The following DNAJC8 variants were observed in gnomAD, a reference collection of about 807,000 sequenced individuals.
The protein encoded by DNAJC8 is dnaJ homolog subfamily C member 8.
A neutral mutation model predicts 43.2 loss-of-function variants in DNAJC8; 24 were observed. The observed-to-expected ratio is 0.56, with a 90% confidence interval of 0.40 to 0.78. The LOEUF (loss-of-function observed/expected upper bound fraction) is 0.78. Ranked by LOEUF, DNAJC8 falls within the 30% of genes least tolerant of loss-of-function variation. The pLI is 0.00. For synonymous variants in DNAJC8, 83 were observed against 98.0 expected (o/e 0.85, Z 0.90); for missense variants, 207 against 299.4 (o/e 0.69, Z 2.28).
intron 6 of DNAJC8, among the ~76,000 whole-genome samples, chr1:28,207,079 AC>A (rs1449543665): frequency 6.7e-6 from 1 of 149,564 alleles, no homozygotes; most frequent in African/African-American, 2.5e-5. Context: ...AAAAAAAAAA[AC>A]AACTGAAAAA....
At chr1:28,231,688 C>T (rs1329280723) in intron 1 of DNAJC8, among the ~76,000 whole-genome samples, 3 of 151,626 alleles carry the variant, frequency 2.0e-5, no homozygotes, top group Non-Finnish European at 4.4e-5. Context: ...GCACTCCAGG[C>T]CTGGGCAACA....
chr1:28,222,904 G>A (rs1176150845), intron 2 of DNAJC8, among the ~76,000 whole-genome samples: 1 of 152,118 alleles, frequency 6.6e-6, no homozygotes, highest in African/African-American at 2.4e-5. Context: ...TGTCAGCATG[G>A]GAGGGCAGCC....
rs376181446 is a variant in DNAJC8 at position 28,209,922 on chromosome 1, C to A, written c.399+50G>T. ...CATATGTACCCTTCTACAAGGTGCC[C>A]AAGGCTTGCTGATACTTCCTGTAAA... On this transcript the variant is annotated intron_variant, in intron 5 of 8. Coordinates refer to ENST00000263697, the MANE Select transcript of DNAJC8 (RefSeq NM_014280.3). 103 of 1,567,036 alleles carry A rather than the reference C, an allele frequency of 6.6e-5. No homozygotes were observed. The African/African-American group carries it at 8.5e-4, about 13-fold the overall frequency.
intron 2 of DNAJC8, among the ~76,000 whole-genome samples, chr1:28,220,157 A>T (rs1272817484): frequency 6.6e-6 from 1 of 152,242 alleles, no homozygotes; most frequent in African/African-American, 2.4e-5. Context: ...CTACATACAC[A>T]TACAAACACA....
chr1:28,203,775 C>T lies in DNAJC8; in HGVS notation c.611G>A (p.Arg204Gln), dbSNP rs1234309129. The T allele has an allele frequency of 3.7e-6, 6 of 1,613,958 alleles. No individual in the cohort carries two copies. Among genetic ancestry groups the T allele is most frequent in the South Asian group, 2.2e-5 (2 of 91,084 alleles). ...AAAGTTTTTCTGCCACTCTCTTTCC[C>T]GTTTGGCTTTTTCTTGAGCTTCAAT... ...EEIEAQEKAK[R>Q]EREWQKNFEE... Residue 204 changes from arginine to glutamine, a missense_variant, in exon 8 of 9, where the codon CGG (arginine) becomes CAG (glutamine). By Grantham distance (43) the Arg-to-Gln change is conservative. This residue lies in a region of DNAJC8 where 159 missense variants were observed against 267.5 expected (regional missense o/e 0.59). Coordinates refer to ENST00000263697, the MANE Select transcript of DNAJC8 (RefSeq NM_014280.3).
intron 2 of DNAJC8, among the ~76,000 whole-genome samples, chr1:28,228,024 T>C (rs575252268): frequency 1.9e-4 from 29 of 152,306 alleles, no homozygotes; most frequent in African/African-American, 5.5e-4. Flanking sequence ...GCATTTATTA[T>C]AGTGAAACAG....
intron 3 of DNAJC8, among the ~76,000 whole-genome samples, chr1:28,211,739 A>G (rs1357768415): frequency 6.6e-6 from 1 of 152,200 alleles, no homozygotes; most frequent in Admixed American, 6.5e-5. Context: ...GTTAGGTGGG[A>G]TAAGTGATTA....
Position 28,201,091 on chromosome 1 carries a change from G to C in DNAJC8, c.*157C>G. ...AAGCCCCTCATTTCAATGTACAAAA[G>C]AATTACTCTGATCGATATTAAATCG... is the stretch of plus-strand genomic sequence containing the variant. On this transcript the variant is annotated 3_prime_UTR_variant, in exon 9 of 9. Coordinates refer to ENST00000263697, the MANE Select transcript of DNAJC8 (RefSeq NM_014280.3). The C allele has an allele frequency of 9.0e-7, 1 of 1,114,180 alleles. No homozygotes were observed. The allele number at this position is 1,114,180 out of a possible 1,614,324, so 69.0% of individuals were successfully genotyped here. A position where few individuals can be genotyped will look rare whatever the true frequency, so the allele number is the denominator to read the frequency against.
intron 2 of DNAJC8, among the ~76,000 whole-genome samples, chr1:28,216,253 C>T (rs1307298755): frequency 1.3e-5 from 2 of 152,126 alleles, no homozygotes; most frequent in African/African-American, 4.8e-5. Context: ...GTGCGCCCCA[C>T]TCTCATAACT....
intron 2 of DNAJC8, 132 bp from the exon 3 acceptor site, chr1:28,215,128 C>G: frequency 3.3e-6 from 2 of 605,468 alleles, no homozygotes; most frequent in Non-Finnish European, 5.4e-6. Context: ...CACAGGCTGG[C>G]ACACAGTTCT....
rs904073410 is a variant in DNAJC8 at position 28,226,271 on chromosome 1, C to T, written c.180+2651G>A. On this transcript the variant is annotated intron_variant, in intron 2 of 8. Transcript: ENST00000263697. ...CTGTAATCACGGCACTTTGAGAGGC[C>T]GAGGCAGGCAGATCACAAGGTCAGG... 2.7e-5 allele frequency among the ~76,000 whole-genome samples: 4 copies of T among 150,778 alleles called. 1 individual carries two copies. Among genetic ancestry groups the T allele is most frequent in the Non-Finnish European group, 5.9e-5 (4 of 67,666 alleles).
At chr1:28,225,213 A>G (rs758357657) in intron 2 of DNAJC8, among the ~76,000 whole-genome samples, 1 of 151,290 alleles carries the variant, frequency 6.6e-6, no homozygotes, top group African/African-American at 2.4e-5. Context: ...CCTGATTTTG[A>G]TAGTTTATAT....
At chr1:28,217,052 C>T (rs1409536221) in intron 2 of DNAJC8, among the ~76,000 whole-genome samples, 1 of 152,040 alleles carries the variant, frequency 6.6e-6, no homozygotes. Flanking sequence ...AGGTGATCCG[C>T]CTGCCTCGGC....
rs111607069 is a variant in DNAJC8, at chr1:28,204,303, G to A, written c.564-481C>T. ...ATACATACAGAAACAAAACTCGGCC[G>A]GATGTAGCGGCTCATGCCTGTAACG... On this transcript the variant is annotated intron_variant, in intron 7 of 8. Coordinates refer to ENST00000263697, the MANE Select transcript of DNAJC8 (RefSeq NM_014280.3). Among the ~76,000 whole-genome samples, 716 of 152,308 alleles carry A rather than the reference G, an allele frequency of 4.7e-3. 2 individuals carry two copies. The highest frequency in any genetic ancestry group is 8.1e-3 in the Non-Finnish European group (549 of 68,030).
At chr1:28,220,586 C>T (rs767176280) in intron 2 of DNAJC8, among the ~76,000 whole-genome samples, 1 of 152,154 alleles carries the variant, frequency 6.6e-6, no homozygotes, top group Non-Finnish European at 1.5e-5. Context: ...ATAACTAATC[C>T]ACTCCCAAGA....
intron 2 of DNAJC8, among the ~76,000 whole-genome samples, chr1:28,218,520 G>A (rs1646876517): frequency 6.6e-6 from 1 of 151,914 alleles, no homozygotes; most frequent in Admixed American, 6.6e-5. Flanking sequence ...GGGCTCAAGT[G>A]GTCCTCTGGT....
intron 2 of DNAJC8, among the ~76,000 whole-genome samples, chr1:28,224,020 A>G (rs1018236896): frequency 3.3e-5 from 5 of 152,230 alleles, no homozygotes; most frequent in African/African-American, 4.8e-5. Flanking sequence ...TACTAATCAA[A>G]GAATGATGAA....
At chr1:28,214,798 C>CT (rs1049036784) in intron 3 of DNAJC8, 142 bp downstream of exon 3, 109 of 524,558 alleles carry the variant, frequency 2.1e-4, no homozygotes, top group East Asian at 8.7e-4. Flanking sequence ...TTATTATGAG[C>CT]TTTTTTTTAC....
At chr1:28,222,180 G>A (rs774385537) in intron 2 of DNAJC8, among the ~76,000 whole-genome samples, 8 of 152,072 alleles carry the variant, frequency 5.3e-5, no homozygotes, top group Admixed American at 2.0e-4. Flanking sequence ...ACAACACTAT[G>A]AGTGTATTTA....
Sources: allele counts gnomAD v4.1 joint callset (sites outside exome capture counted in the v4.1 genomes callset), GRCh38; gene constraint gnomAD v4.1.1; regional missense constraint gnomAD v4.1.1; transcripts MANE v1.5; gene names NCBI Gene and HGNC (gene_info 2026-07-23, HGNC 2026-07-21).